The following ANO10 variants were observed in gnomAD, a reference collection of about 807,000 sequenced individuals.
ANO10 encodes anoctamin-10.
A neutral mutation model predicts 74.7 loss-of-function variants in ANO10; 77 were observed. The ratio of observed to expected loss-of-function variants is 1.03; its 90% CI spans 0.86 to 1.25. The LOEUF (loss-of-function observed/expected upper bound fraction) is 1.25. Ranked by LOEUF, ANO10 falls within the 50% of genes most tolerant of loss-of-function variation. The pLI, the probability that ANO10 is intolerant of heterozygous loss-of-function variation, is 0.00. For synonymous variants in ANO10, 279 were observed against 284.9 expected (o/e 0.98, Z 0.21); for missense variants, 721 against 778.1 (o/e 0.93, Z 0.87).
intron 12 of ANO10, among the ~76,000 whole-genome samples, chr3:43,398,637 G>A (rs1232491132): frequency 1.3e-5 from 2 of 152,256 alleles, no homozygotes; most frequent in African/African-American, 2.4e-5. Flanking sequence ...AGACAGAGAC[G>A]GTCCCTGTTT....
chr3:43,596,029 A>G (rs931571484), intron 4 of ANO10, among the ~76,000 whole-genome samples: 1 of 152,190 alleles, frequency 6.6e-6, no homozygotes, highest in African/African-American at 2.4e-5. Flanking sequence ...CAAAGAAAAT[A>G]AAAAACCTAG....
At chr3:43,658,868 G>A (rs764560396) in intron 1 of ANO10, among the ~76,000 whole-genome samples, 5 of 152,200 alleles carry the variant, frequency 3.3e-5, no homozygotes, top group Non-Finnish European at 7.3e-5. Flanking sequence ...GAGAGGTGCA[G>A]TAGTGATTGA....
At chr3:43,567,843 T>A (rs2080456175) in intron 7 of ANO10, among the ~76,000 whole-genome samples, 1 of 151,866 alleles carries the variant, frequency 6.6e-6, no homozygotes, top group South Asian at 2.1e-4. Flanking sequence ...ATATTAACTT[T>A]AAATGTAAAT....
chr3:43,428,242 G>T (rs1422743137), intron 12 of ANO10, among the ~76,000 whole-genome samples: 2 of 151,920 alleles, frequency 1.3e-5, no homozygotes, highest in Non-Finnish European at 2.9e-5. Context: ...TAGAGACAGG[G>T]TTTCACCATG....
rs1354294683 is a variant in ANO10 at position 43,600,472 on chromosome 3, T to C, written c.249A>G (p.Ala83=). The change falls in exon 3 of 13, where the codon GCA becomes GCG. Residue 83 remains alanine, a synonymous_variant. Transcript: ENST00000292246. ...GASKIRMLLG[A]EAVGLVKECN... ...ACTCTTTTACCAATCCCACTGCTTC[T>C]GCCCCTAGTAACATTCTAATCTTGG... The C allele has an allele frequency of 2.5e-6, 4 of 1,614,078 alleles. No individual in the cohort carries two copies. Among genetic ancestry groups the C allele is most frequent in the Non-Finnish European group, 3.4e-6 (4 of 1,180,032 alleles).
chr3:43,367,864 C>A (rs1373723189), intron 12 of ANO10, among the ~76,000 whole-genome samples: 1 of 152,076 alleles, frequency 6.6e-6, no homozygotes, highest in African/African-American at 2.4e-5. Flanking sequence ...TATGGAAAAA[C>A]AAAACTCTGA....
intron 12 of ANO10, among the ~76,000 whole-genome samples, chr3:43,398,548 C>T (rs1386763286): frequency 6.6e-6 from 1 of 152,146 alleles, no homozygotes; most frequent in Non-Finnish European, 1.5e-5. Flanking sequence ...GATATTTATT[C>T]TTTAGATACT....
At chr3:43,549,678 T>G (rs1459185190) in intron 11 of ANO10, 42 bp downstream of exon 11, 1 of 1,609,390 alleles carries the variant, frequency 6.2e-7, no homozygotes, top group South Asian at 1.1e-5. Flanking sequence ...TAGAGAAACG[T>G]AATATGGATA....
At chr3:43,551,054 T>C (rs2079434609) in intron 10 of ANO10, among the ~76,000 whole-genome samples, 2 of 152,240 alleles carry the variant, frequency 1.3e-5, no homozygotes. Flanking sequence ...AGCTCCCTCA[T>C]TCTTTGCCAC....
chr3:43,672,863 G>C (rs1408688220), intron 1 of ANO10, among the ~76,000 whole-genome samples: 1 of 152,170 alleles, frequency 6.6e-6, no homozygotes, highest in Non-Finnish European at 1.5e-5. Flanking sequence ...GATTTGAAGT[G>C]ATTGACAATT....
intron 12 of ANO10, among the ~76,000 whole-genome samples, chr3:43,417,511 C>T (rs911026807): frequency 1.3e-5 from 2 of 152,152 alleles, no homozygotes; most frequent in Non-Finnish European, 2.9e-5. Flanking sequence ...AGTCCCCTCT[C>T]TTACTAGAGA....
intron 12 of ANO10, among the ~76,000 whole-genome samples, chr3:43,392,897 G>A (rs566760228): frequency 9.2e-5 from 14 of 152,154 alleles, no homozygotes; most frequent in Non-Finnish European, 1.5e-4. Flanking sequence ...AGGGTCACCC[G>A]TGACCGCCAT....
chr3:43,681,149 T>TC, intron 1 of ANO10, among the ~76,000 whole-genome samples: 1 of 152,000 alleles, frequency 6.6e-6, no homozygotes, highest in South Asian at 2.1e-4. Context: ...GGATAAAGAC[T>TC]CAAGACCCAT....
chr3:43,517,931 T>G (rs890625943), intron 11 of ANO10, among the ~76,000 whole-genome samples: 5 of 152,190 alleles, frequency 3.3e-5, no homozygotes, highest in Non-Finnish European at 7.4e-5. Flanking sequence ...TAAAAAATAC[T>G]TTGTGGACTA....
chr3:43,680,662 A>G (rs1321000015), intron 1 of ANO10, among the ~76,000 whole-genome samples: 3 of 152,204 alleles, frequency 2.0e-5, no homozygotes. Flanking sequence ...GAAGGAAAAA[A>G]TGTTAAGGGC....
Position 43,495,023 on chromosome 3 carries a change from T to C in ANO10, c.1797+54697A>G, listed in dbSNP as rs574621272. ...TTTTGCCCTATCAAATACTAAAACT[T>C]ACTATAACAACTATAATCAAAACAA... On this transcript the variant is annotated intron_variant, in intron 11 of 12. Coordinates refer to ENST00000292246, the MANE Select transcript of ANO10 (RefSeq NM_018075.5). Among the ~76,000 whole-genome samples the C allele has an allele frequency of 1.6e-4, 25 of 152,096 alleles. No individual in the cohort carries two copies. The South Asian group carries it at 5.2e-3, about 32-fold the overall frequency.
intron 11 of ANO10, among the ~76,000 whole-genome samples, chr3:43,500,762 C>A (rs375653080): frequency 1.2e-4 from 18 of 152,160 alleles, no homozygotes; most frequent in African/African-American, 4.3e-4. Context: ...CAGAAATTAT[C>A]CTAATAAATA....
intron 7 of ANO10, among the ~76,000 whole-genome samples, chr3:43,565,941 G>A (rs1401422355): frequency 1.3e-5 from 2 of 152,140 alleles, no homozygotes; most frequent in Non-Finnish European, 2.9e-5. Context: ...ATCTCACTAG[G>A]GAGTGCCAGA....
intron 12 of ANO10, among the ~76,000 whole-genome samples, chr3:43,388,849 T>C (rs2092199886): frequency 6.6e-6 from 1 of 152,244 alleles, no homozygotes; most frequent in African/African-American, 2.4e-5. Context: ...AAAATCACTA[T>C]GGAAAGAAGC....
Sources: gnomAD v4.1 joint callset for allele counts (sites outside exome capture counted in the v4.1 genomes callset) on GRCh38, gnomAD v4.1.1 for gene constraint, MANE v1.5 for transcripts, NCBI Gene and HGNC (gene_info 2026-07-23, HGNC 2026-07-21) for gene names.